SCG3: variants seen among roughly 807,000 people sequenced by gnomAD.
SCG3 encodes the protein secretogranin-3.
Under a neutral mutation model 56.2 loss-of-function variants are expected in SCG3, and 38 were observed. That is an observed-to-expected ratio of 0.68 (90% CI 0.52 to 0.89). SCG3 has a LOEUF of 0.89. SCG3 is among the 40% of genes least tolerant of loss of function. The pLI is 0.00. For synonymous variants in SCG3, 176 were observed against 184.2 expected, an observed-to-expected ratio of 0.96 and a Z score of 0.36; for missense variants, 524 against 540.7, an observed-to-expected ratio of 0.97 and a Z score of 0.31.
intron 9 of SCG3, among the ~76,000 whole-genome samples, chr15:51,700,155 C>A (rs561575620): frequency 6.6e-6 from 1 of 152,098 alleles, no homozygotes; most frequent in Non-Finnish European, 1.5e-5. Flanking sequence ...TTTTTAATTA[C>A]CTGGAAACAT....
chr15:51,683,453 AC>A lies in SCG3; in HGVS notation c.397+20del, dbSNP rs1158102648. 4 of 1,534,064 alleles carry A rather than the reference AC, an allele frequency of 2.6e-6. No homozygotes were observed. Among genetic ancestry groups the A allele is most frequent in the Non-Finnish European group, 3.5e-6 (4 of 1,129,396 alleles). Reference sequence around the variant, plus strand: ...TTTCAAGGTAAATGAGAAAAAAAGAACTTTTTGTTAACGTGGAGTTTCCTAT... The same window carrying A: ...TTTCAAGGTAAATGAGAAAAAAAGAATTTTTGTTAACGTGGAGTTTCCTAT... On this transcript the variant is annotated intron_variant, in intron 4 of 11. Transcript: ENST00000220478.
chr15:51,693,558 G>T (rs904421220), intron 7 of SCG3: 1 of 152,158 alleles, frequency 6.6e-6, no homozygotes, highest in Non-Finnish European at 1.5e-5. Context: ...ATAATAATGT[G>T]CAATGTTTCT....
chr15:51,692,959 A>G (rs2055277553), intron 7 of SCG3, among the ~76,000 whole-genome samples: 2 of 152,114 alleles, frequency 1.3e-5, no homozygotes, highest in African/African-American at 4.8e-5. Flanking sequence ...ATTGTTAACT[A>G]TCACCACCAT....
Position 51,681,575 on chromosome 15 carries a change from C to A in SCG3, c.-181C>A, listed in dbSNP as rs1383167892. ...GAGACTTGACTCCCGCGCGCCCCAA[C>A]CCTGCTTATCCCTTGACCGTCGAGT... On this transcript the variant is annotated 5_prime_UTR_variant, in exon 1 of 12. Transcript: ENST00000220478. 1 of 599,116 alleles carries A rather than the reference C, an allele frequency of 1.7e-6. No individual in the cohort carries two copies. The highest frequency in any genetic ancestry group is 3.0e-6 in the Non-Finnish European group (1 of 334,376). The allele number at this position is 599,116 out of a possible 1,614,324, so 37.1% of individuals were successfully genotyped here.
chr15:51,692,152 AC>A lies in SCG3; in HGVS notation c.691-6del, dbSNP rs1449392943. The stretch of plus-strand genomic sequence containing the variant: ...GTTCATTTTTTATTGATTTTTCCCC[AC>A]TGGAGACTCCAATGGCAGCAATTCA... On this transcript the variant is annotated splice_region_variant and splice_polypyrimidine_tract_variant and intron_variant, in intron 6 of 11. Transcript: ENST00000220478. The A allele has an allele frequency of 4.4e-6, 7 of 1,599,208 alleles. No homozygotes were observed. Among genetic ancestry groups the A allele is most frequent in the Non-Finnish European group, 6.0e-6 (7 of 1,173,796 alleles).
chr15:51,709,685 A>T (rs1364016431), intron 10 of SCG3, among the ~76,000 whole-genome samples: 5 of 14,038 alleles, frequency 3.6e-4, no homozygotes, highest in Admixed American at 8.8e-4. Context: ...ATATATATAT[A>T]TATATATATA....
chr15:51,709,983 G>A (rs1233729286), intron 10 of SCG3, among the ~76,000 whole-genome samples: 35 of 143,214 alleles, frequency 2.4e-4, no homozygotes, highest in Middle Eastern at 3.7e-3. Context: ...TGATCCGCCC[G>A]CCTCGGCCTC....
chr15:51,709,064 G>A (rs1742158541), intron 10 of SCG3, among the ~76,000 whole-genome samples: 1 of 152,152 alleles, frequency 6.6e-6, no homozygotes, highest in South Asian at 2.1e-4. Context: ...AATTTATAAA[G>A]GAAAACAGTT....
intron 8 of SCG3, 127 bp downstream of exon 8, chr15:51,696,118 G>A (rs557656786): frequency 9.9e-6 from 7 of 707,756 alleles, no homozygotes; most frequent in African/African-American, 7.3e-5. Context: ...ACCAAGAATC[G>A]ACCAGTTTGA....
At chr15:51,690,997 A>T (rs116148760) in intron 6 of SCG3, among the ~76,000 whole-genome samples, 27 of 152,350 alleles carry the variant, frequency 1.8e-4, no homozygotes, top group African/African-American at 6.5e-4. Context: ...CAATTGCATT[A>T]AGTGCTCTGA....
At chr15:51,714,685 G>A (rs560599115) in intron 11 of SCG3, among the ~76,000 whole-genome samples, 1 of 152,328 alleles carries the variant, frequency 6.6e-6, no homozygotes, top group South Asian at 2.1e-4. Flanking sequence ...CAACTCCCCA[G>A]GTTATTCCAG....
chr15:51,705,930 T>A (rs2055372019), intron 10 of SCG3, among the ~76,000 whole-genome samples: 1 of 152,202 alleles, frequency 6.6e-6, no homozygotes, highest in Non-Finnish European at 1.5e-5. Flanking sequence ...AATTTATTAA[T>A]GTTACCACTG....
chr15:51,689,922 C>T (rs1325403210), intron 6 of SCG3, among the ~76,000 whole-genome samples: 2 of 152,126 alleles, frequency 1.3e-5, no homozygotes, highest in Non-Finnish European at 2.9e-5. Flanking sequence ...AAGATTACAT[C>T]TTATACCCCA....
chr15:51,716,450 C>A (rs1369256689), intron 11 of SCG3, among the ~76,000 whole-genome samples: 1 of 152,154 alleles, frequency 6.6e-6, no homozygotes, highest in East Asian at 1.9e-4. Context: ...TGCTTTGTAC[C>A]TGTTAGATGT....
chr15:51,709,879 C>T (rs1477056036), intron 10 of SCG3, among the ~76,000 whole-genome samples: 15 of 136,258 alleles, frequency 1.1e-4, no homozygotes, highest in Non-Finnish European at 2.0e-4. Flanking sequence ...CACCAACACG[C>T]CCGGCTAATT....
At chr15:51,716,548 T>TACC (rs749759651) in intron 11 of SCG3, among the ~76,000 whole-genome samples, 5 of 152,190 alleles carry the variant, frequency 3.3e-5, no homozygotes, top group Non-Finnish European at 5.9e-5. Context: ...GCAAGTAACT[T>TACC]ACCCCCTTTT....
chr15:51,701,206 A>T lies in SCG3; in HGVS notation c.1169A>T (p.Asp390Val). Residue 390 changes from aspartate (D) to valine (V), a missense_variant, in exon 10 of 12, where the codon GAT (aspartate) becomes GTT (valine). By Grantham distance (152) the Asp-to-Val change is radical (BLOSUM62 -3). Coordinates refer to ENST00000220478, the MANE Select transcript of SCG3 (RefSeq NM_013243.4). ...AGCTTGAAGGATTCCACAAAAGATG[A>T]TAACTCCAACCCAGGAGGAAAGACA... is the stretch of plus-strand genomic sequence containing the variant. ...YGSLKDSTKD[D>V]NSNPGGKTDE... 1 of 1,611,776 alleles carries T rather than the reference A, an allele frequency of 6.2e-7. No individual in the cohort carries two copies. The highest frequency in any genetic ancestry group is 8.5e-7 in the Non-Finnish European group (1 of 1,179,104).
At chr15:51,710,826 G>A (rs901371118) in intron 10 of SCG3, among the ~76,000 whole-genome samples, 2 of 146,468 alleles carry the variant, frequency 1.4e-5, no homozygotes, top group Non-Finnish European at 1.5e-5. Context: ...AAACTCTTAG[G>A]TTCAAGCGAT....
chr15:51,683,259 C>G lies in SCG3; in HGVS notation c.222C>G (p.Asn74Lys), dbSNP rs759650522. The G allele has an allele frequency of 6.2e-7, 1 of 1,613,826 alleles. No homozygotes were observed. The highest frequency in any genetic ancestry group is 8.5e-7 in the Non-Finnish European group (1 of 1,179,834). Residue 74 changes from asparagine (N) to lysine (K), a missense_variant, in exon 4 of 12, where the codon AAC becomes AAG. By Grantham distance (94) the Asn-to-Lys change is moderately conservative (BLOSUM62 0). Coordinates refer to ENST00000220478, the MANE Select transcript of SCG3 (RefSeq NM_013243.4). Reference sequence around the variant, plus strand: ...AGAGCAACTATTCTTTTGTTGATAACTTGAACCTGCTAAAGGCAATAACAG... The same window carrying G: ...AGAGCAACTATTCTTTTGTTGATAAGTTGAACCTGCTAAAGGCAATAACAG... Reference protein sequence around the residue: ...PGQSNYSFVDNLNLLKAITEK... With the variant: ...PGQSNYSFVDKLNLLKAITEK...
Sources: gnomAD v4.1 joint callset for allele counts (sites outside exome capture counted in the v4.1 genomes callset) on GRCh38, gnomAD v4.1.1 for gene constraint, MANE v1.5 for transcripts, NCBI Gene and HGNC (gene_info 2026-07-23, HGNC 2026-07-21) for gene names.